MYO9A: variants seen among roughly 807,000 people sequenced by gnomAD.
The protein encoded by MYO9A is unconventional myosin-IXa.
Under a neutral mutation model 293.3 loss-of-function variants are expected in MYO9A, and 103 were observed. The ratio of observed to expected loss-of-function variants is 0.35; its 90% CI spans 0.30 to 0.41. The LOEUF is 0.41. Among genes scored for constraint, MYO9A ranks in the 10% least tolerant of loss-of-function variants. The pLI, the probability that MYO9A is intolerant of heterozygous loss-of-function variation, is 1.00. For synonymous variants in MYO9A, 1,001 were observed against 1,035.7 expected (o/e 0.97, Z 0.64); for missense variants, 2,685 against 3,033.0 (o/e 0.89, Z 2.69).
At chr15:71,950,013 G>A (rs2059016016) in intron 15 of MYO9A, among the ~76,000 whole-genome samples, 1 of 151,814 alleles carries the variant, frequency 6.6e-6, no homozygotes, top group Admixed American at 6.6e-5. Context: ...TTAAATATTT[G>A]GTTATTTTAA....
chr15:72,114,475 G>C (rs2080895392), intron 1 of MYO9A: 1 of 152,238 alleles, frequency 6.6e-6, no homozygotes. Context: ...GTGAAGTACA[G>C]AGTGAAGCGG....
chr15:72,003,466 A>G (rs2148765706), intron 8 of MYO9A, among the ~76,000 whole-genome samples: 1 of 151,938 alleles, frequency 6.6e-6, no homozygotes, highest in East Asian at 1.9e-4. Flanking sequence ...GAAGGCCGAG[A>G]CGGGCAGATC....
At chr15:71,981,641 G>GTGTCTC (rs1298978375) in intron 11 of MYO9A, among the ~76,000 whole-genome samples, 2 of 144,396 alleles carry the variant, frequency 1.4e-5, no homozygotes, top group Non-Finnish European at 3.1e-5. Context: ...TCTCTGTCTT[G>GTGTCTC]TCTCTCTCTC....
In MYO9A at chr15:71,943,989, T is replaced by C. The variant is rs759909365; in HGVS notation, c.2303-5062A>G. The stretch of plus-strand genomic sequence containing the variant: ...ACCATTTGACAGTGCCAAGAGACAG[T>C]AGGAGAGCTCCAGTTGCTCCACATC... On this transcript the variant is annotated intron_variant, in intron 15 of 41. Coordinates refer to ENST00000356056, the MANE Select transcript of MYO9A (RefSeq NM_006901.4). Among the ~76,000 whole-genome samples the C allele has an allele frequency of 3.8e-4, 58 of 152,142 alleles. 1 individual carries two copies. The highest frequency in any genetic ancestry group is 5.9e-4 in the Non-Finnish European group (40 of 67,970).
intron 27 of MYO9A, among the ~76,000 whole-genome samples, chr15:71,884,250 GT>G (rs2056957726): frequency 6.6e-6 from 1 of 152,104 alleles, no homozygotes; most frequent in African/African-American, 2.4e-5. Flanking sequence ...AGTATGGCAA[GT>G]TTTACATCAC....
chr15:72,084,367 T>G (rs1454632946), intron 1 of MYO9A, among the ~76,000 whole-genome samples: 1 of 152,220 alleles, frequency 6.6e-6, no homozygotes, highest in Non-Finnish European at 1.5e-5. Flanking sequence ...TCCCTCTATT[T>G]TGAGCCCATG....
chr15:72,003,026 T>C (rs868242472), intron 8 of MYO9A, among the ~76,000 whole-genome samples: 81 of 152,252 alleles, frequency 5.3e-4, no homozygotes, highest in African/African-American at 1.8e-3. Flanking sequence ...TCCCAGCACT[T>C]TGGGAGACCG....
At chr15:72,109,388 T>C (rs1374930368) in intron 1 of MYO9A, among the ~76,000 whole-genome samples, 1 of 124,894 alleles carries the variant, frequency 8.0e-6, no homozygotes, top group East Asian at 2.3e-4. Context: ...AGGCTCTGTC[T>C]AAAAAAAAAA....
At chr15:72,109,913 T>A (rs929740046) in intron 1 of MYO9A, among the ~76,000 whole-genome samples, 10 of 139,724 alleles carry the variant, frequency 7.2e-5, no homozygotes, top group African/African-American at 2.7e-4. Flanking sequence ...AATAAATAAA[T>A]AAATAAGGCA....
intron 26 of MYO9A, chr15:71,892,476 T>G (rs1424470158): frequency 6.6e-6 from 1 of 152,332 alleles, no homozygotes; most frequent in Non-Finnish European, 1.5e-5. Context: ...AAACCACGGA[T>G]CAGTAAACTA....
chr15:72,007,385 C>T (rs1001378177), intron 8 of MYO9A, among the ~76,000 whole-genome samples: 3 of 151,118 alleles, frequency 2.0e-5, no homozygotes, highest in African/African-American at 7.3e-5. Flanking sequence ...CCTATTCAAC[C>T]CATAAGGGAA....
intron 2 of MYO9A, among the ~76,000 whole-genome samples, chr15:72,040,685 T>A (rs1320303240): frequency 1.3e-5 from 2 of 152,172 alleles, no homozygotes; most frequent in Admixed American, 6.5e-5. Context: ...AACCTTTGCC[T>A]CCCGAAGAAC....
At chr15:72,008,049 G>C (rs1014367270) in intron 7 of MYO9A, 97 bp from the exon 8 acceptor site, 2 of 1,393,474 alleles carry the variant, frequency 1.4e-6, no homozygotes, top group Non-Finnish European at 1.9e-6. Flanking sequence ...CTACAAATAT[G>C]AAGTATTTAG....
At chr15:72,103,486 CGCAGAAGCAGAAGCAGT>C (rs1446928519) in intron 1 of MYO9A, among the ~76,000 whole-genome samples, 2 of 133,316 alleles carry the variant, frequency 1.5e-5, no homozygotes, top group African/African-American at 2.9e-5. Context: ...GCAGAAGCAG[CGCAGAAGCAGAAGCAGT>C]GGCAGCAGAA....
intron 1 of MYO9A, among the ~76,000 whole-genome samples, chr15:72,065,849 C>A (rs2079006854): frequency 6.6e-6 from 1 of 152,124 alleles, no homozygotes; most frequent in African/African-American, 2.4e-5. Context: ...AAATAAAATT[C>A]AACATCTGTA....
intron 5 of MYO9A, among the ~76,000 whole-genome samples, chr15:72,019,317 T>C (rs1388252807): frequency 1.3e-5 from 2 of 152,230 alleles, no homozygotes; most frequent in East Asian, 1.9e-4. Context: ...CTGTTATTTA[T>C]ATAAACTGAG....
At chr15:71,867,077 C>A (rs1596065185) in intron 32 of MYO9A, among the ~76,000 whole-genome samples, 1 of 97,944 alleles carries the variant, frequency 1.0e-5, no homozygotes, top group Non-Finnish European at 2.2e-5. Flanking sequence ...AAAAACAAAA[C>A]ACACACACAC....
chr15:71,858,947 C>A (rs2055992202), intron 34 of MYO9A, among the ~76,000 whole-genome samples: 1 of 152,024 alleles, frequency 6.6e-6, no homozygotes, highest in Non-Finnish European at 1.5e-5. Context: ...AAAATCTAGT[C>A]TCCTAAAGTA....
At chr15:71,864,735 G>A (rs557278533) in intron 32 of MYO9A, among the ~76,000 whole-genome samples, 1 of 152,296 alleles carries the variant, frequency 6.6e-6, no homozygotes, top group South Asian at 2.1e-4. Flanking sequence ...AAAAACCACA[G>A]TGTATTATTC....
Sources: gnomAD v4.1 joint callset for allele counts (sites outside exome capture counted in the v4.1 genomes callset) on GRCh38, gnomAD v4.1.1 for gene constraint, MANE v1.5 for transcripts, NCBI Gene and HGNC (gene_info 2026-07-23, HGNC 2026-07-21) for gene names.